XYLT1: variants seen among roughly 807,000 people sequenced by gnomAD.
XYLT1 encodes xylosyltransferase 1, also known as beta-D-xylosyltransferase 1.
In XYLT1, 36 loss-of-function variants were observed where a neutral mutation model predicts 91.3. The ratio of observed to expected loss-of-function variants is 0.39; its 90% confidence interval spans 0.30 to 0.52. The LOEUF (loss-of-function observed/expected upper bound fraction) is 0.52. Among genes scored for constraint, XYLT1 ranks in the 20% least tolerant of loss-of-function variants. The pLI, the probability that XYLT1 is intolerant of heterozygous loss-of-function variation, is 0.68. For synonymous variants in XYLT1, 588 were observed against 532.0 expected (o/e 1.11, Z -1.45); for missense variants, 1,242 against 1,284.5 (o/e 0.97, Z 0.51).
chr16:17,231,402 G>A (rs966371656), intron 3 of XYLT1, among the ~76,000 whole-genome samples: 1 of 152,166 alleles, frequency 6.6e-6, no homozygotes, highest in African/African-American at 2.4e-5. Flanking sequence ...AACAGTGTTG[G>A]CTCTGGAGTC....
At position 17,439,465 on chromosome 16, in the gene XYLT1, A is replaced by C. The variant is rs12447668; in HGVS notation, c.363+30969T>G. 8.0e-3 allele frequency among the ~76,000 whole-genome samples: 1,212 copies of C among 152,348 alleles called. 8 individuals carry two copies. Among genetic ancestry groups the C allele is most frequent in the Middle Eastern group, 0.031 (9 of 294 alleles). ...CAGTCATCCTTCCAAAGACCGACAT[A>C]ATTTTGCCATATCTGCATGTATTGT... On this transcript the variant is annotated intron_variant, in intron 1 of 11. Transcript: ENST00000261381.
At chr16:17,316,694 G>T (rs2034637153) in intron 2 of XYLT1, among the ~76,000 whole-genome samples, 1 of 151,958 alleles carries the variant, frequency 6.6e-6, no homozygotes, top group Non-Finnish European at 1.5e-5. Flanking sequence ...ACAGCACCCA[G>T]CCAGGATCCC....
intron 2 of XYLT1, among the ~76,000 whole-genome samples, chr16:17,307,197 GCCTCCT>G (rs749436360): frequency 6.6e-5 from 10 of 152,148 alleles, no homozygotes; most frequent in Non-Finnish European, 1.0e-4. Context: ...TCCTGCCTCA[GCCTCCT>G]GAGTAGCTGG....
At chr16:17,318,793 T>C (rs2034674087) in intron 2 of XYLT1, among the ~76,000 whole-genome samples, 1 of 149,720 alleles carries the variant, frequency 6.7e-6, no homozygotes, top group South Asian at 2.1e-4. Context: ...GCTTACTCTT[T>C]TTTTTTTTTT....
intron 2 of XYLT1, among the ~76,000 whole-genome samples, chr16:17,327,662 G>A (rs2034833279): frequency 7.1e-6 from 1 of 141,492 alleles, no homozygotes; most frequent in Non-Finnish European, 1.5e-5. Context: ...GATTACAGGT[G>A]TGAGCCACCA....
chr16:17,453,262 C>T (rs190762159), intron 1 of XYLT1, among the ~76,000 whole-genome samples: 140 of 152,310 alleles, frequency 9.2e-4, no homozygotes, highest in African/African-American at 3.3e-3. Context: ...GTTTGTTCAT[C>T]GCACCAGGCA....
intron 1 of XYLT1, among the ~76,000 whole-genome samples, chr16:17,413,742 A>G (rs1474748207): frequency 6.6e-6 from 1 of 152,134 alleles, no homozygotes. Flanking sequence ...ATGCTCTAGC[A>G]TTAGGGGTTT....
intron 3 of XYLT1, among the ~76,000 whole-genome samples, chr16:17,253,861 A>AGAGAGAGAGAGAGAGC (rs2033587092): frequency 2.8e-5 from 4 of 145,136 alleles, no homozygotes; most frequent in Admixed American, 2.1e-4. Context: ...AGAGAGAGAG[A>AGAGAGAGAGAGAGAGC]GCGAGCCTGC....
At chr16:17,151,429 T>A (rs2031280859) in intron 6 of XYLT1, among the ~76,000 whole-genome samples, 1 of 151,776 alleles carries the variant, frequency 6.6e-6, no homozygotes, top group East Asian at 1.9e-4. Context: ...AAAAGAAAAA[T>A]AAAAAGAACC....
chr16:17,259,072 G>C lies in XYLT1; in HGVS notation c.829C>G (p.Arg277Gly). 6.6e-7 allele frequency: 1 copy of C among 1,526,556 alleles called. No homozygotes were observed. Among genetic ancestry groups the C allele is most frequent in the Non-Finnish European group, 8.8e-7 (1 of 1,137,918 alleles). The allele number at this position is 1,526,556 out of a possible 1,614,324, so 94.6% of individuals were successfully genotyped here. The change falls in exon 3 of 12, where the codon CGC (arginine) becomes GGC (glycine). Residue 277 changes from arginine (R) to glycine (G), a missense_variant. By Grantham distance (125) the Arg-to-Gly change is moderately radical (BLOSUM62 -2). Around this residue, in one of 3 missense-constraint regions of XYLT1, gnomAD observed 437 missense variants for 411.5 expected, o/e 1.06. Transcript: ENST00000261381. ...CAGTAAGTCTCCCCAATCTCCTGGC[G>C]GCAGTGCTTGGACTTAGCACGGGAC... is the stretch of plus-strand genomic sequence containing the variant. ...ALSRAKSKHCRQEIGETYCRH... is the reference protein window; with the variant it reads ...ALSRAKSKHCGQEIGETYCRH...
At chr16:17,126,032 CCA>C (rs2030249495) in intron 10 of XYLT1, among the ~76,000 whole-genome samples, 1 of 152,194 alleles carries the variant, frequency 6.6e-6, no homozygotes. Flanking sequence ...CCTAAATAGC[CCA>C]CAGAGTGGTC....
intron 8 of XYLT1, among the ~76,000 whole-genome samples, chr16:17,135,591 GATT>G (rs1205220629): frequency 1.3e-5 from 2 of 151,358 alleles, no homozygotes; most frequent in African/African-American, 4.9e-5. Context: ...ATTCCCAGGT[GATT>G]ATGATTCAGT....
intron 1 of XYLT1, among the ~76,000 whole-genome samples, chr16:17,415,385 G>A (rs1208811828): frequency 6.6e-6 from 1 of 152,142 alleles, no homozygotes; most frequent in African/African-American, 2.4e-5. Flanking sequence ...GGTCATTGAG[G>A]GGTAATCTCA....
At chr16:17,303,161 T>G (rs1438910125) in intron 2 of XYLT1, among the ~76,000 whole-genome samples, 1 of 152,150 alleles carries the variant, frequency 6.6e-6, no homozygotes, top group Non-Finnish European at 1.5e-5. Context: ...GATACAATGA[T>G]GTAAAAAATA....
chr16:17,387,691 A>G (rs1438229540), intron 1 of XYLT1, among the ~76,000 whole-genome samples: 3 of 152,014 alleles, frequency 2.0e-5, no homozygotes, highest in Non-Finnish European at 4.4e-5. Context: ...TCTCTAACCA[A>G]TAATACCCTA....
intron 2 of XYLT1, among the ~76,000 whole-genome samples, chr16:17,349,528 G>T (rs980729907): frequency 6.6e-6 from 1 of 151,914 alleles, no homozygotes; most frequent in Non-Finnish European, 1.5e-5. Context: ...TCTGTAAAAT[G>T]GGGTTAAGGT....
At chr16:17,351,803 C>T (rs531957575) in intron 2 of XYLT1, among the ~76,000 whole-genome samples, 2 of 150,686 alleles carry the variant, frequency 1.3e-5, no homozygotes, top group African/African-American at 4.9e-5. Context: ...TCCCTGATCT[C>T]TACCCACTAG....
intron 3 of XYLT1, among the ~76,000 whole-genome samples, chr16:17,228,960 G>C (rs1420490117): frequency 6.6e-6 from 1 of 152,002 alleles, no homozygotes; most frequent in East Asian, 1.9e-4. Context: ...ATCCAGATCT[G>C]TTTGATTTCC....
chr16:17,154,105 T>C (rs2031348291), intron 6 of XYLT1, among the ~76,000 whole-genome samples: 2 of 152,176 alleles, frequency 1.3e-5, no homozygotes, highest in Non-Finnish European at 2.9e-5. Flanking sequence ...TGTCCTGGAA[T>C]GCGCCCAGCG....
Sources: gnomAD v4.1 joint callset for allele counts (sites outside exome capture counted in the v4.1 genomes callset) on GRCh38, gnomAD v4.1.1 for gene constraint, gnomAD v4.1.1 regional missense constraint, MANE v1.5 for transcripts, NCBI Gene and HGNC (gene_info 2026-07-23, HGNC 2026-07-21) for gene names.